The following CWC25 variants were observed in gnomAD, a reference collection of about 807,000 sequenced individuals.
The protein encoded by CWC25 is CWC25 spliceosome associated protein.
CWC25 carries 31 observed loss-of-function variants against 54.6 expected under a neutral mutation model. That is an observed-to-expected ratio of 0.57 (90% CI 0.43 to 0.77). The LOEUF is 0.77. Ranked by LOEUF, CWC25 falls within the 30% of genes least tolerant of loss-of-function variation. CWC25 has a pLI of 0.00. For missense variants in CWC25, 453 were observed against 529.3 expected, an observed-to-expected ratio of 0.86 and a Z score of 1.41; for synonymous variants, 151 against 187.0, an observed-to-expected ratio of 0.81 and a Z score of 1.57.
rs892839710 is a variant in CWC25, at chr17:38,815,824, T to C, written c.192-727A>G. On this transcript the variant is annotated intron_variant, in intron 2 of 9. Coordinates refer to ENST00000614790, the MANE Select transcript of CWC25 (RefSeq NM_017748.5). ...GTGACCACATACGCAGTTGCATTGATTGTGCATCTTGGTGCTTGTGGGCAC... is the reference window on the plus strand; with the variant it reads ...GTGACCACATACGCAGTTGCATTGACTGTGCATCTTGGTGCTTGTGGGCAC... The C allele has an allele frequency of 2.4e-5, 10 of 419,134 alleles. 1 individual carries two copies. In the South Asian group the frequency reaches 2.4e-4, roughly 10 times the overall value. The allele number at this position is 419,134 out of a possible 1,614,324, so 26.0% of individuals were successfully genotyped here.
At chr17:38,814,190 T>G (rs1911604509) in intron 3 of CWC25, among the ~76,000 whole-genome samples, 1 of 152,138 alleles carries the variant, frequency 6.6e-6, no homozygotes, top group Non-Finnish European at 1.5e-5. Flanking sequence ...TTATAGAGTT[T>G]CAATTCAGAA....
At position 38,810,452 on chromosome 17, in the gene CWC25, G is replaced by C. The variant is rs761681183; in HGVS notation, c.626+16C>G. The C allele has an allele frequency of 2.6e-6, 4 of 1,534,284 alleles. No individual in the cohort carries two copies. Among genetic ancestry groups the C allele is most frequent in the Non-Finnish European group, 3.5e-6 (4 of 1,140,872 alleles). On this transcript the variant is annotated intron_variant, in intron 5 of 9. Coordinates refer to ENST00000614790, the MANE Select transcript of CWC25 (RefSeq NM_017748.5). ...AGTGAATCAACGAGAAGGGAGGCCA[G>C]TCGCCACATGCTCACCTCCCTGCAC...
At chr17:38,810,920 CAAA>C (rs71352314) in intron 4 of CWC25, among the ~76,000 whole-genome samples, 7 of 71,404 alleles carry the variant, frequency 9.8e-5, no homozygotes, top group African/African-American at 4.2e-4. Flanking sequence ...AACTGTGTCT[CAAA>C]AAAAAAAAAA....
At chr17:38,810,625 A>C (rs1911446412) in intron 4 of CWC25, 30 bp from the exon 5 acceptor site, 5 of 1,112,108 alleles carry the variant, frequency 4.5e-6, no homozygotes, top group Non-Finnish European at 6.7e-6. Flanking sequence ...CAAGCACACA[A>C]GATTACTGAG....
At chr17:38,806,167 A>T in intron 8 of CWC25, 130 bp downstream of exon 8, 1 of 778,698 alleles carries the variant, frequency 1.3e-6, no homozygotes, top group Non-Finnish European at 2.2e-6. Context: ...GCAGACCCTT[A>T]CAGGTTGGCA....
Position 38,801,098 on chromosome 17 carries a change from T to C in CWC25, c.*994A>G, listed in dbSNP as rs1426999717. 6.6e-6 allele frequency: 1 copy of C among 151,962 alleles called. No individual in the cohort carries two copies. The highest frequency in any genetic ancestry group is 1.5e-5 in the Non-Finnish European group (1 of 68,000). The allele number at this position is 151,962 out of a possible 1,614,324, so 9.4% of individuals were successfully genotyped here. Reference sequence around the variant, plus strand: ...CCGCGCCCAGCCTGTTTTTTGTTTTTTTTTTAGTACCTGACTGAAAGAGAC... The same window carrying C: ...CCGCGCCCAGCCTGTTTTTTGTTTTCTTTTTAGTACCTGACTGAAAGAGAC... On this transcript the variant is annotated 3_prime_UTR_variant, in exon 10 of 10. Coordinates refer to ENST00000614790, the MANE Select transcript of CWC25 (RefSeq NM_017748.5).
At chr17:38,818,588 CAAAAAA>C (rs56382375) in intron 2 of CWC25, among the ~76,000 whole-genome samples, 5 of 48,500 alleles carry the variant, frequency 1.0e-4, no homozygotes, top group South Asian at 1.4e-3. Flanking sequence ...GACTCCATCT[CAAAAAA>C]AAAAAAAAAA....
intron 2 of CWC25, among the ~76,000 whole-genome samples, chr17:38,819,683 T>C (rs934947659): frequency 1.3e-5 from 2 of 149,232 alleles, no homozygotes; most frequent in Non-Finnish European, 3.0e-5. Flanking sequence ...TATTTTTTTT[T>C]TGTTTGTTCG....
chr17:38,820,846 T>G, intron 2 of CWC25, 55 bp downstream of exon 2: 1 of 1,564,474 alleles, frequency 6.4e-7, no homozygotes, highest in African/African-American at 1.4e-5. Context: ...ATGATGCATC[T>G]CAGGACAGCT....
chr17:38,802,176 G>A lies in CWC25; in HGVS notation c.1194C>T (p.Ser398=), dbSNP rs1437160513. 2 of 1,613,670 alleles carry A rather than the reference G, an allele frequency of 1.2e-6. No individual in the cohort carries two copies. The highest frequency in any genetic ancestry group is 1.7e-6 in the Non-Finnish European group (2 of 1,179,738). ...HRMKLESAST[S]SLEDRVKRNI... ...TCCGCTTCACCCGATCCTCCAGGGA[G>A]GAAGTAGATGCACTCTCCAGCTTCA... The change falls in exon 10 of 10, where the codon TCC becomes TCT. Residue 398 remains serine (S), a synonymous_variant. Coordinates refer to ENST00000614790, the MANE Select transcript of CWC25 (RefSeq NM_017748.5).
At chr17:38,809,003 G>C (rs570986158) in intron 6 of CWC25, among the ~76,000 whole-genome samples, 1 of 148,686 alleles carries the variant, frequency 6.7e-6, no homozygotes, top group Admixed American at 6.8e-5. Flanking sequence ...CCTTGAACTT[G>C]TACTTCCAGC....
intron 5 of CWC25, chr17:38,810,148 T>C: frequency 2.3e-6 from 1 of 434,568 alleles, no homozygotes. Context: ...ACTTCAGTCT[T>C]GAAGGAATCC....
chr17:38,823,323 C>A (rs1363229612), intron 1 of CWC25, among the ~76,000 whole-genome samples: 1 of 151,358 alleles, frequency 6.6e-6, no homozygotes, highest in East Asian at 2.0e-4. Flanking sequence ...CTGCTCCCAG[C>A]TAATTTTTGT....
intron 1 of CWC25, 93 bp from the exon 2 acceptor site, chr17:38,821,166 G>C: frequency 1.5e-6 from 2 of 1,311,604 alleles, no homozygotes; most frequent in East Asian, 4.7e-5. Flanking sequence ...CCATACCCAA[G>C]GCAGGCGTGT....
At chr17:38,809,047 G>A (rs1911372870) in intron 6 of CWC25, among the ~76,000 whole-genome samples, 3 of 145,560 alleles carry the variant, frequency 2.1e-5, no homozygotes, top group Admixed American at 7.0e-5. Flanking sequence ...AGGAGTTCGA[G>A]ACCAGCCTAG....
chr17:38,823,404 G>A (rs1230628213), intron 1 of CWC25, among the ~76,000 whole-genome samples: 4 of 150,346 alleles, frequency 2.7e-5, no homozygotes, highest in African/African-American at 4.9e-5. Flanking sequence ...TGACCCACCC[G>A]CCTCTGCCTC....
In CWC25 at chr17:38,818,116, A is replaced by G. The variant is rs187295243; in HGVS notation, c.191+2785T>C. 4.7e-3 allele frequency among the ~76,000 whole-genome samples: 709 copies of G among 150,682 alleles called. 7 individuals are homozygous for G. Among genetic ancestry groups the G allele is most frequent in the African/African-American group, 0.017 (684 of 40,936 alleles). On this transcript the variant is annotated intron_variant, in intron 2 of 9. Coordinates refer to ENST00000614790, the MANE Select transcript of CWC25 (RefSeq NM_017748.5). Reference sequence around the variant, plus strand: ...CATGGTGAAACCCCATCTCTACTTAAAATACTAAAATTAGCCAGGCGTGGT... The same window carrying G: ...CATGGTGAAACCCCATCTCTACTTAGAATACTAAAATTAGCCAGGCGTGGT...
chr17:38,825,137 C>G, intron 1 of CWC25, 29 bp downstream of exon 1: 1 of 1,515,320 alleles, frequency 6.6e-7, no homozygotes, highest in Non-Finnish European at 8.8e-7. Context: ...GGCCTCAGTC[C>G]TCCCCCGCCC....
intron 4 of CWC25, among the ~76,000 whole-genome samples, chr17:38,811,288 C>G (rs1310159134): frequency 6.6e-6 from 1 of 151,288 alleles, no homozygotes; most frequent in African/African-American, 2.4e-5. Flanking sequence ...AATCCCAGCA[C>G]TTTGGGAGGC....
Sources: gnomAD v4.1 joint callset for allele counts (sites outside exome capture counted in the v4.1 genomes callset) on GRCh38, gnomAD v4.1.1 for gene constraint, MANE v1.5 for transcripts, NCBI Gene and HGNC (gene_info 2026-07-23, HGNC 2026-07-21) for gene names.